Variants in VWA8 observed in about 807,000 individuals in gnomAD.
VWA8 encodes the protein von Willebrand factor A domain containing 8.
Under a neutral mutation model 241.5 loss-of-function variants are expected in VWA8, and 221 were observed. The observed-to-expected ratio is 0.91, with a 90% CI of 0.82 to 1.02. VWA8 has a LOEUF of 1.02. VWA8 is among the 50% of genes least tolerant of loss of function. The probability of loss-of-function intolerance (pLI) is 0.00; values close to 1 mark genes in which losing one functional copy is unlikely to be tolerated. For synonymous variants in VWA8, 852 were observed against 827.1 expected (o/e 1.03, Z -0.52); for missense variants, 2,322 against 2,328.7 (o/e 1.00, Z 0.06).
At chr13:41,850,575 C>T (rs761878139) in intron 12 of VWA8, among the ~76,000 whole-genome samples, 10 of 152,196 alleles carry the variant, frequency 6.6e-5, no homozygotes, top group Admixed American at 2.6e-4. Flanking sequence ...CCCTCAGAGA[C>T]TTAGTTGATA....
chr13:41,701,313 G>T lies in VWA8; in HGVS notation c.3364+79C>A, dbSNP rs942598239. 7 of 1,443,472 alleles carry T rather than the reference G, an allele frequency of 4.8e-6. No homozygotes were observed. The Admixed American group carries it at 1.0e-4, about 22-fold the overall frequency. 89.4% of individuals were successfully genotyped at this position (1,443,472 alleles called of 1,614,324 possible). On this transcript the variant is annotated intron_variant, in intron 28 of 44. Transcript: ENST00000379310. ...ACACCAAGTCTATCATAAACTTTTT[G>T]ATGTCTAGAGATTATTTTAATCCAT...
At chr13:41,671,556 G>A (rs111803310) in intron 36 of VWA8, among the ~76,000 whole-genome samples, 4,251 of 151,408 alleles carry the variant, frequency 0.028, 197 homozygotes, top group African/African-American at 0.098. Context: ...CCCCCCGCCC[G>A]CCAAATTCAT....
At chr13:41,888,203 T>C (rs1433348954) in intron 5 of VWA8, among the ~76,000 whole-genome samples, 2 of 152,200 alleles carry the variant, frequency 1.3e-5, no homozygotes, top group African/African-American at 2.4e-5. Flanking sequence ...TCTCATTTCC[T>C]TCCTTCTCTG....
intron 17 of VWA8, among the ~76,000 whole-genome samples, chr13:41,809,693 C>T (rs1468352327): frequency 6.6e-6 from 1 of 152,068 alleles, no homozygotes; most frequent in East Asian, 1.9e-4. Flanking sequence ...TTGGTCAGGA[C>T]AAATATTTCT....
At chr13:41,700,902 T>C (rs1419614132) in intron 28 of VWA8, among the ~76,000 whole-genome samples, 2 of 152,188 alleles carry the variant, frequency 1.3e-5, no homozygotes, top group African/African-American at 4.8e-5. Context: ...TCTGCCAAAA[T>C]GTACCCAGGG....
chr13:41,728,796 T>G (rs1450894311), intron 23 of VWA8, among the ~76,000 whole-genome samples: 1 of 152,080 alleles, frequency 6.6e-6, no homozygotes, highest in African/African-American at 2.4e-5. Context: ...TTGTACCTTT[T>G]TAATGGGGTT....
rs560019140 is a variant in VWA8, at chr13:41,805,746, G to A, written c.2063+5479C>T. 3.4e-4 allele frequency among the ~76,000 whole-genome samples: 52 copies of A among 152,068 alleles called. 1 individual carries two copies. In the South Asian group the frequency reaches 1.0e-2, roughly 29 times the overall value. On this transcript the variant is annotated intron_variant, in intron 17 of 44. Transcript: ENST00000379310. ...GGAGAATCGCTTGAACCTGGGAGGC[G>A]GAGGTTGCAGTGAGCCAAGATTGCG...
intron 39 of VWA8, among the ~76,000 whole-genome samples, chr13:41,605,895 T>C (rs777689316): frequency 6.6e-6 from 1 of 152,186 alleles, no homozygotes; most frequent in Non-Finnish European, 1.5e-5. Flanking sequence ...TTTGAAATTC[T>C]ATCTTCCCAG....
At chr13:41,793,778 T>TGCACTGAGTG (rs1566459922) in intron 17 of VWA8, among the ~76,000 whole-genome samples, 3 of 152,212 alleles carry the variant, frequency 2.0e-5, no homozygotes, top group Non-Finnish European at 2.9e-5. Context: ...ATCGTGCCAC[T>TGCACTGAGTG]GCACTGCAGC....
At chr13:41,881,579 T>C (rs896689854) in intron 9 of VWA8, among the ~76,000 whole-genome samples, 1 of 149,314 alleles carries the variant, frequency 6.7e-6, no homozygotes, top group Non-Finnish European at 1.5e-5. Context: ...AGCTGTTGGG[T>C]ACACCTCCCA....
intron 18 of VWA8, 51 bp downstream of exon 18, chr13:41,787,386 G>A (rs780973604): frequency 3.6e-6 from 5 of 1,406,884 alleles, no homozygotes; most frequent in Admixed American, 3.5e-5. Flanking sequence ...AGCATCAAAT[G>A]TTTGTTAATT....
In VWA8 at chr13:41,830,662, G is replaced by C. The variant is rs1204420758; in HGVS notation, c.1587-20C>G. ...ATTAACCTAACAAGATAAGAAAAAA[G>C]CCCGAAAATAAATTAATGTGTTTTG... On this transcript the variant is annotated intron_variant, in intron 13 of 44. Coordinates refer to ENST00000379310, the MANE Select transcript of VWA8 (RefSeq NM_015058.2). 1 of 1,602,318 alleles carries C rather than the reference G, an allele frequency of 6.2e-7. No homozygotes were observed. The highest frequency in any genetic ancestry group is 1.3e-5 in the African/African-American group (1 of 74,516).
At chr13:41,864,743 A>C (rs1324744674) in intron 12 of VWA8, 2 of 290,118 alleles carry the variant, frequency 6.9e-6, no homozygotes, top group East Asian at 2.1e-4. Flanking sequence ...AAGCTCTGGA[A>C]AAAGGAAGTG....
At chr13:41,867,234 A>G (rs3851159) in intron 10 of VWA8, among the ~76,000 whole-genome samples, 110,734 of 152,086 alleles carry the variant, frequency 0.73, 41,205 homozygotes, top group East Asian at 0.89. Flanking sequence ...AAAATCCTAT[A>G]TTATTCTTGC....
rs771504803 is a variant in VWA8, at chr13:41,605,285, A to G, written c.4878-9T>C. The G allele has an allele frequency of 6.2e-7, 1 of 1,612,158 alleles. No homozygotes were observed. Among genetic ancestry groups the G allele is most frequent in the East Asian group, 2.2e-5 (1 of 44,862 alleles). The stretch of plus-strand genomic sequence containing the variant: ...TTTGGATCTCCTTTAGCCTGAAATC[A>G]GAAGAGTATAAAAAGTTAACAGCTT... On this transcript the variant is annotated splice_polypyrimidine_tract_variant and intron_variant, in intron 39 of 44. Coordinates refer to ENST00000379310, the MANE Select transcript of VWA8 (RefSeq NM_015058.2).
chr13:41,918,511 T>C (rs1371305422), intron 2 of VWA8, among the ~76,000 whole-genome samples: 1 of 152,204 alleles, frequency 6.6e-6, no homozygotes, highest in Non-Finnish European at 1.5e-5. Context: ...CAGATTCCCC[T>C]GAAACTAATA....
At chr13:41,922,588 G>GA (rs1458510897) in intron 2 of VWA8, among the ~76,000 whole-genome samples, 1 of 152,018 alleles carries the variant, frequency 6.6e-6, no homozygotes, top group South Asian at 2.1e-4. Flanking sequence ...AAAATTACAA[G>GA]AAAAAAACAA....
chr13:41,631,627 T>C (rs1025749956), intron 37 of VWA8, among the ~76,000 whole-genome samples: 5 of 152,234 alleles, frequency 3.3e-5, no homozygotes, highest in Admixed American at 2.6e-4. Context: ...ACCTTATTTA[T>C]TCATTCTCTT....
At chr13:41,886,270 G>A (rs1874530510) in intron 7 of VWA8, among the ~76,000 whole-genome samples, 1 of 151,860 alleles carries the variant, frequency 6.6e-6, no homozygotes. Flanking sequence ...AATCTACCCT[G>A]CCAGCCTCAT....
Sources: allele counts gnomAD v4.1 joint callset (sites outside exome capture counted in the v4.1 genomes callset), GRCh38; gene constraint gnomAD v4.1.1; transcripts MANE v1.5; gene names NCBI Gene and HGNC (gene_info 2026-07-23, HGNC 2026-07-21).